STX17: variants seen among roughly 807,000 people sequenced by gnomAD.
STX17 encodes syntaxin 17.
STX17 carries 29 observed loss-of-function variants against 35.9 expected under a neutral mutation model. The ratio of observed to expected loss-of-function variants is 0.81; its 90% CI spans 0.60 to 1.10. The LOEUF is 1.10. STX17 is among the 50% of genes least tolerant of loss of function. The pLI is 0.00. For synonymous variants in STX17, 92 were observed against 118.3 expected (o/e 0.78, Z 1.44); for missense variants, 312 against 352.3 (o/e 0.89, Z 0.92).
intron 3 of STX17, among the ~76,000 whole-genome samples, chr9:99,940,538 C>T (rs1223327904): frequency 7.4e-6 from 1 of 134,858 alleles, no homozygotes; most frequent in Non-Finnish European, 1.5e-5. Context: ...GTGGCGTGAT[C>T]TCAGATCTCA....
intron 4 of STX17, among the ~76,000 whole-genome samples, chr9:99,958,146 T>C (rs1829751522): frequency 1.3e-5 from 2 of 152,230 alleles, no homozygotes; most frequent in Admixed American, 6.5e-5. Flanking sequence ...CAGTCAGCTA[T>C]ACTGAACATT....
chr9:99,954,948 C>T (rs1829677800), intron 4 of STX17, among the ~76,000 whole-genome samples: 1 of 152,022 alleles, frequency 6.6e-6, no homozygotes. Context: ...TCCGAGAGTT[C>T]CTAAAGCAAA....
chr9:99,926,867 A>G (rs888879512), intron 2 of STX17, among the ~76,000 whole-genome samples: 3 of 152,056 alleles, frequency 2.0e-5, no homozygotes, highest in Admixed American at 6.5e-5. Flanking sequence ...ATTTTTTCCT[A>G]CAGAGAGCAA....
chr9:99,953,769 T>A (rs1247604725), intron 4 of STX17, among the ~76,000 whole-genome samples: 1 of 152,088 alleles, frequency 6.6e-6, no homozygotes, highest in African/African-American at 2.4e-5. Flanking sequence ...GCAATTCCCC[T>A]ATCAAACAAA....
intron 6 of STX17, among the ~76,000 whole-genome samples, chr9:99,965,146 G>A (rs957643843): frequency 6.6e-6 from 1 of 152,182 alleles, no homozygotes; most frequent in Non-Finnish European, 1.5e-5. Flanking sequence ...TGATTGCAAT[G>A]ATGGGGAACT....
At chr9:99,962,576 A>T (rs191023765) in intron 6 of STX17, among the ~76,000 whole-genome samples, 1 of 152,304 alleles carries the variant, frequency 6.6e-6, no homozygotes, top group East Asian at 1.9e-4. Context: ...GTACAAACAC[A>T]TTTCTTTTCT....
intron 1 of STX17, among the ~76,000 whole-genome samples, chr9:99,912,389 A>G (rs568266900): frequency 6.6e-6 from 1 of 152,256 alleles, no homozygotes; most frequent in South Asian, 2.1e-4. Context: ...ATTAAAAAAA[A>G]TACCTTTTGG....
At chr9:99,950,984 A>G in intron 3 of STX17, 76 bp from the exon 4 acceptor site, 2 of 1,270,394 alleles carry the variant, frequency 1.6e-6, no homozygotes, top group Non-Finnish European at 2.2e-6. Flanking sequence ...ATCCACAACT[A>G]TTATAACATT....
chr9:99,918,035 C>T (rs35984438), intron 2 of STX17, among the ~76,000 whole-genome samples: 39,335 of 152,084 alleles, frequency 0.26, 6,042 homozygotes, highest in Non-Finnish European at 0.35. Context: ...ATGGCTACTC[C>T]AGCACCAGCC....
At chr9:99,930,328 C>A (rs1325786363) in intron 3 of STX17, among the ~76,000 whole-genome samples, 1 of 149,588 alleles carries the variant, frequency 6.7e-6, no homozygotes. Flanking sequence ...AGTGCAGTGG[C>A]TCAATCTCGG....
intron 2 of STX17, among the ~76,000 whole-genome samples, chr9:99,917,461 T>C (rs560777785): frequency 6.6e-6 from 1 of 152,272 alleles, no homozygotes; most frequent in South Asian, 2.1e-4. Flanking sequence ...AGATAAAATA[T>C]TTATTATGCT....
At position 99,970,340 on chromosome 9, in the gene STX17, A is replaced by G. The variant is rs573342402; in HGVS notation, c.*1667A>G. On this transcript the variant is annotated 3_prime_UTR_variant, in exon 8 of 8. Coordinates refer to ENST00000259400, the MANE Select transcript of STX17 (RefSeq NM_017919.3). ...TATCATTAAATAACTAGAAAGTATC[A>G]AGTATTGCTCTCTGCTGCTTTATAT... is the stretch of plus-strand genomic sequence containing the variant. 6.6e-6 allele frequency: 1 copy of G among 152,232 alleles called. No homozygotes were observed. Among genetic ancestry groups the G allele is most frequent in the South Asian group, 2.1e-4 (1 of 4,834 alleles). 9.4% of individuals were successfully genotyped at this position (152,232 alleles called of 1,614,324 possible). A position where few individuals can be genotyped will look rare whatever the true frequency, so the allele number is the denominator to read the frequency against.
At chr9:99,948,554 C>T (rs1474396505) in intron 3 of STX17, among the ~76,000 whole-genome samples, 1 of 151,958 alleles carries the variant, frequency 6.6e-6, no homozygotes, top group African/African-American at 2.4e-5. Context: ...ACTTTTTGAA[C>T]TTCTTGCTTT....
intron 2 of STX17, among the ~76,000 whole-genome samples, chr9:99,924,921 G>T (rs1483723814): frequency 6.6e-6 from 1 of 152,088 alleles, no homozygotes; most frequent in Non-Finnish European, 1.5e-5. Context: ...GTAGATTCCT[G>T]CTGTCAGGTT....
At chr9:99,927,900 G>A (rs752817058) in intron 2 of STX17, among the ~76,000 whole-genome samples, 20 of 152,166 alleles carry the variant, frequency 1.3e-4, no homozygotes, top group Non-Finnish European at 1.5e-4. Flanking sequence ...TGCAGAACGA[G>A]GAATATAAAA....
intron 1 of STX17, among the ~76,000 whole-genome samples, chr9:99,909,272 T>A (rs1828614718): frequency 6.6e-6 from 1 of 152,268 alleles, no homozygotes; most frequent in African/African-American, 2.4e-5. Flanking sequence ...ATAGTTTATA[T>A]TCCATTTTGG....
chr9:99,967,482 TGAAA>T, intron 6 of STX17, 167 bp from the exon 7 acceptor site: 1 of 388,592 alleles, frequency 2.6e-6, no homozygotes, highest in African/African-American at 2.0e-5. Context: ...CTTTTTTTTA[TGAAA>T]GTTAATTTGT....
chr9:99,923,711 A>G (rs1828934078), intron 2 of STX17, among the ~76,000 whole-genome samples: 1 of 152,152 alleles, frequency 6.6e-6, no homozygotes, highest in Admixed American at 6.6e-5. Context: ...ACCAGTCACA[A>G]GTCCAGGCCC....
rs1190176275 is a variant in STX17 at position 99,961,312 on chromosome 9, C to T, written c.582+1157C>T. Among the ~76,000 whole-genome samples, 26 of 152,226 alleles carry T rather than the reference C, an allele frequency of 1.7e-4. No individual in the cohort carries two copies. The East Asian group carries it at 4.6e-3, about 27-fold the overall frequency. On this transcript the variant is annotated intron_variant, in intron 6 of 7. Transcript: ENST00000259400. ...AGGAAGACTGGTTAGGAATCAATTG[C>T]AAGAGTTCACCTGGAGCAATGGCAA...
Sources: gnomAD v4.1 joint callset for allele counts (sites outside exome capture counted in the v4.1 genomes callset) on GRCh38, gnomAD v4.1.1 for gene constraint, MANE v1.5 for transcripts, NCBI Gene and HGNC (gene_info 2026-07-23, HGNC 2026-07-21) for gene names.